The following CATIP variants were observed in gnomAD, a reference collection of about 807,000 sequenced individuals.
CATIP encodes the protein ciliogenesis associated TTC17 interacting protein.
In CATIP, 40 loss-of-function variants were observed where a neutral mutation model predicts 42.5. That is an observed-to-expected ratio of 0.94 (90% CI 0.73 to 1.22). CATIP has a LOEUF of 1.22. Ranked by LOEUF, CATIP falls within the 50% of genes most tolerant of loss-of-function variation. The pLI is 0.00. For missense variants in CATIP, 489 were observed against 496.0 expected (o/e 0.99, Z 0.13); for synonymous variants, 222 against 200.2 (o/e 1.11, Z -0.92).
At chr2:218,358,434 G>A (rs370887091) in intron 4 of CATIP, among the ~76,000 whole-genome samples, 252 of 152,182 alleles carry the variant, frequency 1.7e-3, no homozygotes, top group Middle Eastern at 3.4e-3. Context: ...GGTGGTGCAC[G>A]CCTGTAGTCC....
rs1695536961 is a variant in CATIP at position 218,368,065 on chromosome 2, G to GA, written c.*103dup. On this transcript the variant is annotated 3_prime_UTR_variant, in exon 10 of 10. Coordinates refer to ENST00000289388, the MANE Select transcript of CATIP (RefSeq NM_198559.2). ...CGCTTTCCGGGCTGCGGTTTTGGGG[G>GA]AATAAATGGGGCCCTCCCGCTTCTC... 1.5e-6 allele frequency: 2 copies of GA among 1,330,524 alleles called. No homozygotes were observed. Among genetic ancestry groups the GA allele is most frequent in the Admixed American group, 2.9e-5 (1 of 33,940 alleles). 82.4% of individuals were successfully genotyped at this position (1,330,524 alleles called of 1,614,324 possible).
At chr2:218,364,086 T>G (rs562791775) in intron 6 of CATIP, among the ~76,000 whole-genome samples, 86 of 152,316 alleles carry the variant, frequency 5.6e-4, no homozygotes, top group Admixed American at 1.2e-3. Context: ...ATTCCAGGCT[T>G]GTCTATCAAA....
intron 5 of CATIP, among the ~76,000 whole-genome samples, chr2:218,361,328 C>T (rs908590821): frequency 1.3e-5 from 2 of 151,270 alleles, no homozygotes; most frequent in African/African-American, 2.4e-5. Context: ...AAGCTGAGAT[C>T]ACGCCACTGC....
At position 218,358,056 on chromosome 2, in the gene CATIP, G is replaced by A. The variant is rs145299822; in HGVS notation, c.339G>A (p.Leu113=). The change falls in exon 4 of 10, where the codon CTG becomes CTA. Residue 113 remains leucine, a synonymous_variant. Transcript: ENST00000289388. The part of the protein sequence containing the change: ...NSLLGYLSEK[L]ELMEQHSQDF... ...CCCCAGGCTATCTCTCAGAGAAGCTGGAGCTCATGGAACAGCACAGCCAAG... is the reference window on the plus strand; with the variant it reads ...CCCCAGGCTATCTCTCAGAGAAGCTAGAGCTCATGGAACAGCACAGCCAAG... 1,727 of 1,613,978 alleles carry A rather than the reference G, an allele frequency of 1.1e-3. 3 individuals are homozygous for A. The highest frequency in any genetic ancestry group is 1.4e-3 in the Non-Finnish European group (1,619 of 1,180,008).
intron 6 of CATIP, 145 bp downstream of exon 6, chr2:218,363,047 G>A: frequency 6.8e-6 from 5 of 738,394 alleles, no homozygotes; most frequent in Non-Finnish European, 1.1e-5. Flanking sequence ...GCTTTCAAGG[G>A]CAGGAAAGCA....
At chr2:218,364,602 C>T in intron 6 of CATIP, 26 bp from the exon 7 acceptor site, 1 of 1,611,836 alleles carries the variant, frequency 6.2e-7, no homozygotes, top group Non-Finnish European at 8.5e-7. Flanking sequence ...CCTTACCTCC[C>T]ACCCCCCAAT....
chr2:218,357,641 C>G lies in CATIP; in HGVS notation c.226C>G (p.Gln76Glu). Residue 76 changes from glutamine to glutamate, a missense_variant, in exon 3 of 10, where the codon CAG (glutamine) becomes GAG (glutamate). By Grantham distance (29) the Gln-to-Glu change is conservative (BLOSUM62 2). Coordinates refer to ENST00000289388, the MANE Select transcript of CATIP (RefSeq NM_198559.2). ...CATTGAGGTGCAGAGAGGGAAATACCAGGAAAAACTCGGCATGCTGACATA... is the reference window on the plus strand; with the variant it reads ...CATTGAGGTGCAGAGAGGGAAATACGAGGAAAAACTCGGCATGCTGACATA... ...LTIEVQRGKY[Q>E]EKLGMLTYCL... 1.2e-6 allele frequency: 2 copies of G among 1,614,016 alleles called. No homozygotes were observed. The highest frequency in any genetic ancestry group is 1.7e-6 in the Non-Finnish European group (2 of 1,179,982).
intron 4 of CATIP, among the ~76,000 whole-genome samples, chr2:218,358,293 G>A (rs898184361): frequency 6.6e-6 from 1 of 152,210 alleles, no homozygotes; most frequent in African/African-American, 2.4e-5. Flanking sequence ...GGTGGGCTGG[G>A]CACAGTGGTT....
At chr2:218,363,326 A>C (rs1695304155) in intron 6 of CATIP, among the ~76,000 whole-genome samples, 2 of 146,736 alleles carry the variant, frequency 1.4e-5, no homozygotes, top group South Asian at 2.1e-4. Flanking sequence ...TAAAAATACA[A>C]AAAAAAAAAA....
At position 218,367,786 on chromosome 2, in the gene CATIP, C is replaced by T; in HGVS notation, c.986C>T (p.Ser329Phe). ...RQHPEAHALI[S>F]DFLLFLLLRQ... is the part of the protein sequence containing the mutation. ...CACCCCGAAGCCCACGCGCTCATCTCCGACTTCCTGCTCTTCCTGCTGCTG... is the reference window on the plus strand; with the variant it reads ...CACCCCGAAGCCCACGCGCTCATCTTCGACTTCCTGCTCTTCCTGCTGCTG... The change falls in exon 10 of 10, where the codon TCC becomes TTC. Residue 329 changes from serine to phenylalanine, a missense_variant. Physicochemically the swap from Ser to Phe is radical, Grantham distance 155. Coordinates refer to ENST00000289388, the MANE Select transcript of CATIP (RefSeq NM_198559.2). The T allele has an allele frequency of 6.2e-7, 1 of 1,612,470 alleles. No individual in the cohort carries two copies. The highest frequency in any genetic ancestry group is 8.5e-7 in the Non-Finnish European group (1 of 1,179,874).
Position 218,357,735 on chromosome 2 carries a change from G to A in CATIP, c.319+1G>A, listed in dbSNP as rs775257872. The A allele has an allele frequency of 3.1e-6, 5 of 1,612,174 alleles. No homozygotes were observed. In the Admixed American group the frequency reaches 5.0e-5, roughly 16 times the overall value. On this transcript the variant is annotated splice_donor_variant, in intron 3 of 9. Transcript: ENST00000289388. LOFTEE classifies it high-confidence loss of function. ...ATGCTCTGCGGAAATTCCCTCCTGG[G>A]TAGCGTTCCTACTGCCTGATGCCCG...
At chr2:218,361,469 C>CT (rs1212848032) in intron 5 of CATIP, among the ~76,000 whole-genome samples, 1 of 152,130 alleles carries the variant, frequency 6.6e-6, no homozygotes, top group African/African-American at 2.4e-5. Flanking sequence ...AAGAGACATG[C>CT]TTTTAAGTTT....
intron 6 of CATIP, among the ~76,000 whole-genome samples, chr2:218,363,503 A>AC (rs1695316538): frequency 6.7e-6 from 1 of 149,822 alleles, no homozygotes; most frequent in African/African-American, 2.5e-5. Flanking sequence ...AAAAACAAAA[A>AC]AAAAAAAACG....
intron 6 of CATIP, among the ~76,000 whole-genome samples, chr2:218,363,252 G>A (rs1190177171): frequency 2.0e-5 from 3 of 152,018 alleles, no homozygotes; most frequent in South Asian, 4.2e-4. Context: ...AGGCCAAGGC[G>A]GGCCGATCAC....
intron 7 of CATIP, chr2:218,365,539 T>G (rs1695402727): frequency 6.6e-6 from 1 of 152,184 alleles, no homozygotes; most frequent in Non-Finnish European, 1.5e-5. Context: ...AGAATAGATA[T>G]TCACATAATC....
At position 218,367,961 on chromosome 2, in the gene CATIP, C is replaced by T. The variant is rs762943108; in HGVS notation, c.1161C>T (p.Ala387=). The part of the protein sequence containing the change: ...EPEGDARSGA[A] Reference sequence around the variant, plus strand: ...AGGGAGACGCCCGCTCGGGGGCGGCCTAAGCGGGGCCCAGGCCCGGACAGG... The same window carrying T: ...AGGGAGACGCCCGCTCGGGGGCGGCTTAAGCGGGGCCCAGGCCCGGACAGG... Residue 387 remains alanine (A), a synonymous_variant, in exon 10 of 10, where the codon GCC becomes GCT. Transcript: ENST00000289388. 8 of 1,574,302 alleles carry T rather than the reference C, an allele frequency of 5.1e-6. No individual in the cohort carries two copies. The Admixed American group carries it at 1.1e-4, about 21-fold the overall frequency.
intron 7 of CATIP, chr2:218,366,197 CACT>C (rs1695432541): frequency 6.6e-6 from 1 of 151,632 alleles, no homozygotes; most frequent in African/African-American, 2.4e-5. Flanking sequence ...AATCTTGGCT[CACT>C]ACAACCTCCA....
intron 5 of CATIP, 107 bp downstream of exon 5, chr2:218,360,766 C>T (rs140735503): frequency 8.0e-5 from 63 of 789,080 alleles, no homozygotes; most frequent in Non-Finnish European, 1.2e-4. Flanking sequence ...GTTAAGGACG[C>T]GCACATGACA....
intron 4 of CATIP, among the ~76,000 whole-genome samples, chr2:218,359,154 T>C (rs1030322884): frequency 6.6e-6 from 1 of 151,746 alleles, no homozygotes; most frequent in Non-Finnish European, 1.5e-5. Context: ...CTGGCCAAGA[T>C]GGTGAAACCC....
Sources: allele counts gnomAD v4.1 joint callset (sites outside exome capture counted in the v4.1 genomes callset), GRCh38; gene constraint gnomAD v4.1.1; transcripts MANE v1.5; gene names NCBI Gene and HGNC (gene_info 2026-07-23, HGNC 2026-07-21).